ABCA3: variants seen among roughly 807,000 people sequenced by gnomAD.
ABCA3 encodes ATP binding cassette subfamily A member 3, also known as phospholipid-transporting ATPase ABCA3.
In ABCA3, 88 loss-of-function variants were observed where a neutral mutation model predicts 172.8. The ratio of observed to expected loss-of-function variants is 0.51; its 90% confidence interval spans 0.43 to 0.61. The LOEUF (loss-of-function observed/expected upper bound fraction) is 0.61, where lower values mean the gene tolerates loss of function less well. ABCA3 is among the 20% of genes least tolerant of loss of function. The pLI, the probability that ABCA3 is intolerant of heterozygous loss-of-function variation, is 0.00. For missense variants in ABCA3, 2,164 were observed against 2,301.0 expected (o/e 0.94, Z 1.22); for synonymous variants, 1,066 against 983.8 (o/e 1.08, Z -1.56).
chr16:2,331,122 GT>G (rs1484966244), intron 1 of ABCA3, among the ~76,000 whole-genome samples: 3 of 152,084 alleles, frequency 2.0e-5, no homozygotes, highest in Non-Finnish European at 4.4e-5. Flanking sequence ...CTTCATACAA[GT>G]TTTGCATATC....
intron 10 of ABCA3, among the ~76,000 whole-genome samples, chr16:2,313,660 T>C (rs2141725107): frequency 6.7e-6 from 1 of 148,728 alleles, no homozygotes; most frequent in African/African-American, 2.5e-5. Flanking sequence ...ATCCCAGCAC[T>C]CTGGGAGACG....
rs1176422619 is a variant in ABCA3 at position 2,279,815 on chromosome 16, C to A, written c.4360-685G>T. Among the ~76,000 whole-genome samples, 1 of 151,096 alleles carries A rather than the reference C, an allele frequency of 6.6e-6. No homozygotes were observed. Among genetic ancestry groups the A allele is most frequent in the Admixed American group, 6.6e-5 (1 of 15,162 alleles). On this transcript the variant is annotated intron_variant, in intron 28 of 32. Transcript: ENST00000301732. The surrounding 1 kb of genome is among the most constrained non-coding windows in gnomAD (Gnocchi z 4.4). ...CTGGTAGAGCGCAGTGGCATGATCT[C>A]GGCTCACTACAACCTCTGCCTCCCA...
chr16:2,306,708 C>A (rs2093698148), intron 11 of ABCA3, among the ~76,000 whole-genome samples: 1 of 152,154 alleles, frequency 6.6e-6, no homozygotes, highest in South Asian at 2.1e-4. Context: ...AAGTGTTTTA[C>A]TCAATTTAAT....
intron 7 of ABCA3, among the ~76,000 whole-genome samples, chr16:2,320,387 T>C (rs956924153): frequency 6.8e-5 from 10 of 147,866 alleles, no homozygotes; most frequent in African/African-American, 1.0e-4. Flanking sequence ...CGTGAGCCAC[T>C]GCACCCGGCC....
chr16:2,277,824 G>A lies in ABCA3; in HGVS notation c.4909+55C>T. On this transcript the variant is annotated intron_variant, in intron 31 of 32. Coordinates refer to ENST00000301732, the MANE Select transcript of ABCA3 (RefSeq NM_001089.3). The surrounding 1 kb of genome is among the most constrained non-coding windows in gnomAD (Gnocchi z 5.3). ...ACGCTCCGCACAGCAGATGGGAGAG[G>A]CCTAGGTAGGGGCCCAGGGCCCACC... 2 of 1,603,284 alleles carry A rather than the reference G, an allele frequency of 1.2e-6. No individual in the cohort carries two copies. Among genetic ancestry groups the A allele is most frequent in the South Asian group, 1.1e-5 (1 of 90,280 alleles).
At chr16:2,295,232 T>TA (rs1433872458) in intron 18 of ABCA3, among the ~76,000 whole-genome samples, 1 of 152,208 alleles carries the variant, frequency 6.6e-6, no homozygotes, top group Non-Finnish European at 1.5e-5. Flanking sequence ...ACCACCCACA[T>TA]ACAAATACAG....
chr16:2,312,027 T>G (rs2093707497), intron 10 of ABCA3, among the ~76,000 whole-genome samples: 1 of 152,214 alleles, frequency 6.6e-6, no homozygotes, highest in East Asian at 1.9e-4. Flanking sequence ...ATACTGCTTT[T>G]TGAGTTACAC....
intron 1 of ABCA3, among the ~76,000 whole-genome samples, chr16:2,334,546 G>A (rs914748640): frequency 4.9e-5 from 7 of 143,912 alleles, no homozygotes; most frequent in Non-Finnish European, 1.0e-4. Flanking sequence ...ACGGCATCTC[G>A]CTCTATCACT....
Position 2,340,614 on chromosome 16 carries a change from T to C in ABCA3, c.-580A>G, listed in dbSNP as rs1567360253. On this transcript the variant is annotated 5_prime_UTR_variant, in exon 1 of 33. Coordinates refer to ENST00000301732, the MANE Select transcript of ABCA3 (RefSeq NM_001089.3). ...GGCGGCGGCGGCCGGCGCGCGGCCCTCTCGCGGGGTCCCCTCCCTCGGCCA... is the reference window on the plus strand; with the variant it reads ...GGCGGCGGCGGCCGGCGCGCGGCCCCCTCGCGGGGTCCCCTCCCTCGGCCA... 1 of 148,806 alleles carries C rather than the reference T, an allele frequency of 6.7e-6. No homozygotes were observed. Among genetic ancestry groups the C allele is most frequent in the Non-Finnish European group, 1.5e-5 (1 of 66,698 alleles). The allele number at this position is 148,806 out of a possible 1,614,324, so 9.2% of individuals were successfully genotyped here. A position where few individuals can be genotyped will look rare whatever the true frequency, so the allele number is the denominator to read the frequency against.
At position 2,276,799 on chromosome 16, in the gene ABCA3, C is replaced by A. The variant is rs748197095; in HGVS notation, c.4990G>T (p.Gly1664Cys). The A allele has an allele frequency of 1.9e-6, 3 of 1,613,718 alleles. No homozygotes were observed. Among genetic ancestry groups the A allele is most frequent in the Non-Finnish European group, 2.5e-6 (3 of 1,180,026 alleles). The change falls in exon 33 of 33, where the codon GGT becomes TGT. Residue 1664 changes from glycine (G) to cysteine (C), a missense_variant. Physicochemically the swap from Gly to Cys is radical, Grantham distance 159. This residue lies in a region of ABCA3 where 795 missense variants were observed against 881.9 expected (regional missense o/e 0.90). Coordinates refer to ENST00000301732, the MANE Select transcript of ABCA3 (RefSeq NM_001089.3). ...GRDLSWAKVFGILEKAKEKYG... is the reference protein window; with the variant it reads ...GRDLSWAKVFCILEKAKEKYG... Reference sequence around the variant, plus strand: ...TTTTCCTTGGCTTTCTCCAGAATACCGAAAACCTTTGGGGAGCAGAAAAGT... The same window carrying A: ...TTTTCCTTGGCTTTCTCCAGAATACAGAAAACCTTTGGGGAGCAGAAAAGT...
Position 2,328,676 on chromosome 16 carries a change from C to T in ABCA3, c.-250G>A, listed in dbSNP as rs1049646037. 6 of 406,438 alleles carry T rather than the reference C, an allele frequency of 1.5e-5. No individual in the cohort carries two copies. The highest frequency in any genetic ancestry group is 8.6e-5 in the South Asian group (5 of 57,898). 25.2% of individuals were successfully genotyped at this position (406,438 alleles called of 1,614,324 possible). A position where few individuals can be genotyped will look rare whatever the true frequency, so the allele number is the denominator to read the frequency against. On this transcript the variant is annotated 5_prime_UTR_variant, in exon 3 of 33. Coordinates refer to ENST00000301732, the MANE Select transcript of ABCA3 (RefSeq NM_001089.3). ...CAGGCAGAGAGGAGTCCTTCCCGCTCAGCGTCCTTCATGTGCGGAAAAGCC... is the reference window on the plus strand; with the variant it reads ...CAGGCAGAGAGGAGTCCTTCCCGCTTAGCGTCCTTCATGTGCGGAAAAGCC...
intron 7 of ABCA3, among the ~76,000 whole-genome samples, chr16:2,323,163 T>G (rs1290750415): frequency 5.9e-5 from 9 of 152,190 alleles, no homozygotes; most frequent in African/African-American, 1.7e-4. Context: ...CAACAGGTGC[T>G]GGAGAGGATG....
intron 1 of ABCA3, among the ~76,000 whole-genome samples, chr16:2,334,138 G>C (rs1033375863): frequency 2.0e-5 from 3 of 152,210 alleles, no homozygotes; most frequent in African/African-American, 4.8e-5. Flanking sequence ...GCAAGACAGG[G>C]AGATGGCCCG....
chr16:2,323,792 C>T (rs2093729892), intron 6 of ABCA3, 104 bp from the exon 7 acceptor site: 32 of 1,239,242 alleles, frequency 2.6e-5, no homozygotes, highest in Non-Finnish European at 3.5e-5. Flanking sequence ...CAGCCGAGAA[C>T]TCACCACTCC....
chr16:2,302,292 G>A (rs557159724), intron 12 of ABCA3, among the ~76,000 whole-genome samples: 1 of 152,140 alleles, frequency 6.6e-6, no homozygotes, highest in East Asian at 1.9e-4. Flanking sequence ...CGACCGAGCT[G>A]GTCTCGGCAG....
intron 3 of ABCA3, among the ~76,000 whole-genome samples, chr16:2,327,494 G>C (rs917391347): frequency 1.3e-5 from 2 of 152,198 alleles, no homozygotes; most frequent in Admixed American, 6.5e-5. Context: ...AGTGTCCTGG[G>C]TGATTTCTAA....
chr16:2,306,883 C>T (rs564214096), intron 11 of ABCA3, among the ~76,000 whole-genome samples: 3 of 151,570 alleles, frequency 2.0e-5, no homozygotes, highest in Admixed American at 6.6e-5. Context: ...GGCACGGTGG[C>T]GGGCGCCTGT....
At chr16:2,291,366 G>C (rs1360442362) in intron 19 of ABCA3, among the ~76,000 whole-genome samples, 2 of 151,658 alleles carry the variant, frequency 1.3e-5, no homozygotes, top group Non-Finnish European at 2.9e-5. Context: ...GACCAGGCTA[G>C]TCTCAAACTC....
chr16:2,331,778 C>G (rs879601799), intron 1 of ABCA3, among the ~76,000 whole-genome samples: 10 of 152,198 alleles, frequency 6.6e-5, no homozygotes, highest in Non-Finnish European at 1.2e-4. Flanking sequence ...CCGGCTGAGC[C>G]CCCATCAGCT....
Sources: allele counts gnomAD v4.1 joint callset (sites outside exome capture counted in the v4.1 genomes callset), GRCh38; gene constraint gnomAD v4.1.1; regional missense constraint gnomAD v4.1.1; non-coding constraint Gnocchi (gnomAD v3.1); transcripts MANE v1.5; gene names NCBI Gene and HGNC (gene_info 2026-07-23, HGNC 2026-07-21).